RAB31: variants seen among roughly 807,000 people sequenced by gnomAD.
The protein encoded by RAB31 is ras-related protein Rab-31.
In RAB31, 21 loss-of-function variants were observed where a neutral mutation model predicts 25.6. That is an observed-to-expected ratio of 0.82 (90% CI 0.58 to 1.18). The LOEUF (loss-of-function observed/expected upper bound fraction) is 1.18, where lower values mean the gene tolerates loss of function less well. Among genes scored for constraint, RAB31 ranks in the 50% most tolerant of loss-of-function variants. The pLI is 0.00. For synonymous variants in RAB31, 87 were observed against 84.0 expected (o/e 1.04, Z -0.20); for missense variants, 196 against 250.1 (o/e 0.78, Z 1.46).
chr18:9,855,227 C>A (rs1248242093), intron 6 of RAB31, among the ~76,000 whole-genome samples: 1 of 151,754 alleles, frequency 6.6e-6, no homozygotes, highest in Non-Finnish European at 1.5e-5. Context: ...TCTAGACTGT[C>A]AACTTTCAGG....
At chr18:9,847,339 C>T (rs187437105) in intron 6 of RAB31, among the ~76,000 whole-genome samples, 17 of 152,284 alleles carry the variant, frequency 1.1e-4, no homozygotes, top group Admixed American at 8.5e-4. Flanking sequence ...TACAGCCCCG[C>T]GTCTTCCGCA....
At chr18:9,824,733 C>T (rs901625238) in intron 5 of RAB31, among the ~76,000 whole-genome samples, 3 of 152,310 alleles carry the variant, frequency 2.0e-5, no homozygotes, top group Admixed American at 6.5e-5. Flanking sequence ...TCAGAGGCAT[C>T]CGGTCAGGTA....
At chr18:9,851,553 A>G (rs1290664245) in intron 6 of RAB31, among the ~76,000 whole-genome samples, 4 of 152,194 alleles carry the variant, frequency 2.6e-5, no homozygotes, top group Admixed American at 6.5e-5. Flanking sequence ...CACACAGCTA[A>G]TAAGTGAGAG....
intron 1 of RAB31, 40 bp from the exon 2 acceptor site, chr18:9,775,238 C>T (rs766367904): frequency 1.4e-5 from 23 of 1,612,804 alleles, no homozygotes; most frequent in African/African-American, 2.7e-5. Context: ...TGTGAGTTGC[C>T]GCCCTTCATC....
rs145524126 is a variant in RAB31, at chr18:9,749,823, A to C, written c.40-25455A>C. 5.0e-3 allele frequency among the ~76,000 whole-genome samples: 764 copies of C among 152,264 alleles called. 4 individuals are homozygous for C. The highest frequency in any genetic ancestry group is 0.02 in the Middle Eastern group (6 of 294). ...GACGGTTCTGTCCTGTAGGGGAGAA[A>C]AGTCCTCGTTGTTCCTCTGGGATGC... On this transcript the variant is annotated intron_variant, in intron 1 of 6. Coordinates refer to ENST00000578921, the MANE Select transcript of RAB31 (RefSeq NM_006868.4).
In RAB31 at chr18:9,859,270, A is replaced by G. The variant is rs1264671114; in HGVS notation, c.533A>G (p.Asn178Ser). The G allele has an allele frequency of 6.2e-7, 1 of 1,613,890 alleles. No individual in the cohort carries two copies. ...PPLDPHENGN[N>S]GTIKVEKPTM... ...TTGGACCCCCATGAAAATGGAAACA[A>G]TGGAACAATCAAAGTTGAGAAGCCA... The change falls in exon 7 of 7, where the codon AAT becomes AGT. Residue 178 changes from asparagine (N) to serine (S), a missense_variant. Asn to Ser is a conservative substitution (Grantham distance 46). Coordinates refer to ENST00000578921, the MANE Select transcript of RAB31 (RefSeq NM_006868.4).
In RAB31 at chr18:9,724,282, A is replaced by C. The variant is rs1041977826; in HGVS notation, c.39+15838A>C. Among the ~76,000 whole-genome samples the C allele has an allele frequency of 4.9e-4, 60 of 123,342 alleles. 1 individual carries two copies. In the South Asian group the frequency reaches 7.8e-3, roughly 16 times the overall value. The allele number at this position is 123,342 out of a possible 152,430, so 80.9% of individuals were successfully genotyped here. A position where few individuals can be genotyped will look rare whatever the true frequency, so the allele number is the denominator to read the frequency against. On this transcript the variant is annotated intron_variant, in intron 1 of 6. Transcript: ENST00000578921. ...CGAGACTCCGTCTCAAAAAAAAAAA[A>C]AAAAACAAAAAAAAAACATTATTAT...
chr18:9,722,454 C>G (rs934364664), intron 1 of RAB31, among the ~76,000 whole-genome samples: 6 of 152,138 alleles, frequency 3.9e-5, no homozygotes, highest in African/African-American at 1.4e-4. Context: ...ATGATGCGTA[C>G]CTCGGAATCC....
At position 9,738,077 on chromosome 18, in the gene RAB31, T is replaced by A. The variant is rs111993208; in HGVS notation, c.39+29633T>A. ...ATGCAGCAGCTGAAGGCCAAGTGCA[T>A]CATGGAAGGCAGCGGTGCAAGCACA... On this transcript the variant is annotated intron_variant, in intron 1 of 6. Coordinates refer to ENST00000578921, the MANE Select transcript of RAB31 (RefSeq NM_006868.4). Among the ~76,000 whole-genome samples the A allele has an allele frequency of 2.0e-3, 308 of 152,248 alleles. 3 individuals are homozygous for A. The highest frequency in any genetic ancestry group is 6.8e-3 in the African/African-American group (284 of 41,542).
chr18:9,748,658 C>T (rs985081157), intron 1 of RAB31, among the ~76,000 whole-genome samples: 10 of 151,826 alleles, frequency 6.6e-5, no homozygotes, highest in African/African-American at 9.7e-5. Context: ...TTTGGGAAGT[C>T]GAGGCGGGCG....
At chr18:9,833,976 A>C (rs939044344) in intron 5 of RAB31, among the ~76,000 whole-genome samples, 1 of 152,216 alleles carries the variant, frequency 6.6e-6, no homozygotes, top group Non-Finnish European at 1.5e-5. Context: ...TATGAGACAG[A>C]TGGGATACTG....
At position 9,851,182 on chromosome 18, in the gene RAB31, C is replaced by T. The variant is rs561826543; in HGVS notation, c.490+5491C>T. ...CAAAGACAAAGTTTGTCCACTTTCT[C>T]ACCCCAAAAAAAGTTAATTTACCAA... On this transcript the variant is annotated intron_variant, in intron 6 of 6. Coordinates refer to ENST00000578921, the MANE Select transcript of RAB31 (RefSeq NM_006868.4). 2.0e-5 allele frequency among the ~76,000 whole-genome samples: 3 copies of T among 151,000 alleles called. No homozygotes were observed. The East Asian group carries it at 5.8e-4, about 29-fold the overall frequency.
chr18:9,853,022 G>A (rs1227738540), intron 6 of RAB31, among the ~76,000 whole-genome samples: 1 of 152,172 alleles, frequency 6.6e-6, no homozygotes, highest in Non-Finnish European at 1.5e-5. Flanking sequence ...TTTTCAATTT[G>A]TATAACTTGG....
In RAB31 at chr18:9,831,737, A is replaced by G. The variant is rs374047972; in HGVS notation, c.381-13845A>G. Among the ~76,000 whole-genome samples the G allele has an allele frequency of 1.8e-4, 28 of 152,354 alleles. 1 individual carries two copies. In the South Asian group the frequency reaches 5.8e-3, roughly 32 times the overall value. ...GTGAACTCTTTCCACTCCCCAAGGC[A>G]TTGCATAAGTAATGTCACTTTCTAC... On this transcript the variant is annotated intron_variant, in intron 5 of 6. Transcript: ENST00000578921.
intron 5 of RAB31, among the ~76,000 whole-genome samples, chr18:9,835,221 C>T (rs2068698019): frequency 1.3e-5 from 2 of 152,162 alleles, no homozygotes; most frequent in Admixed American, 1.3e-4. Context: ...TGGTATCTTG[C>T]ATCCACTAAG....
intron 1 of RAB31, among the ~76,000 whole-genome samples, chr18:9,737,035 T>C (rs2068154572): frequency 6.6e-6 from 1 of 152,226 alleles, no homozygotes; most frequent in Non-Finnish European, 1.5e-5. Context: ...ATTTAAAAAA[T>C]GGATCAATAG....
At chr18:9,825,437 G>T (rs542440678) in intron 5 of RAB31, among the ~76,000 whole-genome samples, 11 of 152,326 alleles carry the variant, frequency 7.2e-5, no homozygotes, top group Non-Finnish European at 1.6e-4. Context: ...AAGAAAAAAA[G>T]AGAAATAGGT....
intron 1 of RAB31, among the ~76,000 whole-genome samples, chr18:9,730,290 T>C (rs2068116325): frequency 6.8e-6 from 1 of 146,090 alleles, no homozygotes; most frequent in South Asian, 2.1e-4. Context: ...CACCTTATCT[T>C]TTTTTTTTTT....
intron 5 of RAB31, among the ~76,000 whole-genome samples, chr18:9,836,686 G>T (rs2143117931): frequency 6.6e-6 from 1 of 152,248 alleles, no homozygotes; most frequent in African/African-American, 2.4e-5. Flanking sequence ...TATGAAGAAT[G>T]GAGTGGAACA....
Sources: gnomAD v4.1 joint callset for allele counts (sites outside exome capture counted in the v4.1 genomes callset) on GRCh38, gnomAD v4.1.1 for gene constraint, MANE v1.5 for transcripts, NCBI Gene and HGNC (gene_info 2026-07-23, HGNC 2026-07-21) for gene names.